ARHGAP35: variants seen among roughly 807,000 people sequenced by gnomAD.
The protein encoded by ARHGAP35 is Rho GTPase activating protein 35, also known as rho GTPase-activating protein 35.
In ARHGAP35, 15 loss-of-function variants were observed where a neutral mutation model predicts 111.1. The ratio of observed to expected loss-of-function variants is 0.13; its 90% CI spans 0.09 to 0.21. The LOEUF (loss-of-function observed/expected upper bound fraction) is 0.21. ARHGAP35 is among the 10% of genes least tolerant of loss of function. The probability of loss-of-function intolerance (pLI) is 1.00; values close to 1 mark genes in which losing one functional copy is unlikely to be tolerated. For missense variants in ARHGAP35, 1,262 were observed against 1,873.0 expected (o/e 0.67, Z 6.02); for synonymous variants, 643 against 710.3 (o/e 0.91, Z 1.51).
chr19:46,922,459 A>AG lies in ARHGAP35; in HGVS notation c.3681+103_3681+104insG. On this transcript the variant is annotated intron_variant, in intron 2 of 6. Transcript: ENST00000672722. The surrounding 1 kb of genome is among the most constrained non-coding windows in gnomAD (Gnocchi z 4.0). ...GGACAACCTATTCTGGTAAAAAAAAAACTGCCCTGTGTGTGTATTTGACTT... is the reference window on the plus strand; with the variant it reads ...GGACAACCTATTCTGGTAAAAAAAAAGACTGCCCTGTGTGTGTATTTGACTT... The AG allele has an allele frequency of 8.5e-7, 1 of 1,182,284 alleles. No homozygotes were observed. The highest frequency in any genetic ancestry group is 2.6e-5 in the East Asian group (1 of 38,580). The allele number at this position is 1,182,284 out of a possible 1,614,324, so 73.2% of individuals were successfully genotyped here.
rs1240689317 is a variant in ARHGAP35 at position 46,926,267 on chromosome 19, G to A, written c.3681+3911G>A. Among the ~76,000 whole-genome samples the A allele has an allele frequency of 6.6e-6, 1 of 152,154 alleles. No homozygotes were observed. Among genetic ancestry groups the A allele is most frequent in the Admixed American group, 6.6e-5 (1 of 15,262 alleles). ...ACTGTAAAGCTGACTCTCATTCTGG[G>A]TGCTTTTCCCAGCTGAACCATTTAG... is the stretch of plus-strand genomic sequence containing the variant. On this transcript the variant is annotated intron_variant, in intron 2 of 6. Coordinates refer to ENST00000672722, the MANE Select transcript of ARHGAP35 (RefSeq NM_004491.5). This position sits in a 1 kb window ranked among gnomAD's most constrained non-coding sequence, Gnocchi z 4.1.
chr19:46,936,211 C>T (rs962832478), intron 2 of ARHGAP35, among the ~76,000 whole-genome samples: 12 of 152,036 alleles, frequency 7.9e-5, no homozygotes, highest in African/African-American at 2.9e-4. Flanking sequence ...CACTGTACTC[C>T]AGCCTGAGCA....
intron 1 of ARHGAP35, among the ~76,000 whole-genome samples, chr19:46,907,019 G>A (rs952476202): frequency 6.6e-6 from 1 of 152,166 alleles, no homozygotes; most frequent in Non-Finnish European, 1.5e-5. Flanking sequence ...ATCCTGGGGA[G>A]GTTGAGGCTG....
chr19:46,895,302 T>TAC (rs2056047969), intron 1 of ARHGAP35, among the ~76,000 whole-genome samples: 2 of 152,108 alleles, frequency 1.3e-5, no homozygotes, highest in Non-Finnish European at 2.9e-5. Flanking sequence ...TAGCTGGGAC[T>TAC]ACAGGCGCTC....
intron 2 of ARHGAP35, among the ~76,000 whole-genome samples, chr19:46,934,847 A>G (rs868129148): frequency 2.6e-4 from 38 of 145,310 alleles, no homozygotes; most frequent in African/African-American, 9.3e-4. Flanking sequence ...TTGTTTTTGT[A>G]TTTTTTGTAG....
chr19:46,895,411 C>T (rs1025720381), intron 1 of ARHGAP35, among the ~76,000 whole-genome samples: 2 of 152,156 alleles, frequency 1.3e-5, no homozygotes, highest in African/African-American at 2.4e-5. Context: ...GTGATCCACC[C>T]GCCTCGGCCT....
intron 5 of ARHGAP35, among the ~76,000 whole-genome samples, chr19:46,996,015 C>T (rs1220727060): frequency 1.3e-5 from 2 of 152,190 alleles, no homozygotes; most frequent in African/African-American, 4.8e-5. Context: ...GGGGAGCAGG[C>T]GAGGAGACTG....
At chr19:46,980,899 C>G (rs1312669733) in intron 3 of ARHGAP35, among the ~76,000 whole-genome samples, 1 of 152,194 alleles carries the variant, frequency 6.6e-6, no homozygotes, top group Non-Finnish European at 1.5e-5. Context: ...TACATACCAC[C>G]AGGGGATGAG....
Position 46,876,193 on chromosome 19 carries a change from AT to A in ARHGAP35, c.-189+14996del, listed in dbSNP as rs201937445. ...TGCTGCACTACCTGGACCTGGCTTT[AT>A]TTTTTTTTTTTAATTTAATTTTTTT... On this transcript the variant is annotated intron_variant, in intron 1 of 6. Transcript: ENST00000672722. Among the ~76,000 whole-genome samples the A allele has an allele frequency of 4.0e-3, 569 of 142,910 alleles. 5 individuals are homozygous for A. The highest frequency in any genetic ancestry group is 0.011 in the African/African-American group (427 of 38,940). The allele number at this position is 142,910 out of a possible 152,430, so 93.8% of individuals were successfully genotyped here.
chr19:46,920,103 T>G lies in ARHGAP35; in HGVS notation c.1428T>G (p.Ile476Met). ...QWLEESVYMD[I>M]YGKHQKQIID... The stretch of plus-strand genomic sequence containing the variant: ...TGGAGGAATCTGTATACATGGATAT[T>G]TATGGCAAACACCAAAAGCAAATTA... Residue 476 changes from isoleucine to methionine, a missense_variant, in exon 2 of 7, where the codon ATT becomes ATG. Coordinates refer to ENST00000672722, the MANE Select transcript of ARHGAP35 (RefSeq NM_004491.5). This position sits in a 1 kb window ranked among gnomAD's most constrained non-coding sequence, Gnocchi z 7.0. 10 of 1,613,888 alleles carry G rather than the reference T, an allele frequency of 6.2e-6. No individual in the cohort carries two copies. Among genetic ancestry groups the G allele is most frequent in the Non-Finnish European group, 8.5e-6 (10 of 1,179,878 alleles).
intron 1 of ARHGAP35, among the ~76,000 whole-genome samples, chr19:46,892,456 G>A (rs1260389541): frequency 2.2e-5 from 3 of 137,098 alleles, no homozygotes; most frequent in Non-Finnish European, 4.6e-5. Flanking sequence ...GGGTAACAGT[G>A]AAACCCTGTC....
At chr19:46,900,938 C>G (rs533304270) in intron 1 of ARHGAP35, among the ~76,000 whole-genome samples, 1 of 152,312 alleles carries the variant, frequency 6.6e-6, no homozygotes, top group African/African-American at 2.4e-5. Context: ...TCTGTGCATA[C>G]TCCTCTACCA....
At chr19:46,961,306 A>G (rs1362666068) in intron 3 of ARHGAP35, among the ~76,000 whole-genome samples, 4 of 152,214 alleles carry the variant, frequency 2.6e-5, no homozygotes, top group Non-Finnish European at 4.4e-5. Flanking sequence ...ACACATGTAT[A>G]CACACACATA....
chr19:46,922,446 C>A lies in ARHGAP35; in HGVS notation c.3681+90C>A. The A allele has an allele frequency of 7.7e-7, 1 of 1,292,938 alleles. No homozygotes were observed. Among genetic ancestry groups the A allele is most frequent in the South Asian group, 1.7e-5 (1 of 59,676 alleles). 80.1% of individuals were successfully genotyped at this position (1,292,938 alleles called of 1,614,324 possible). A position where few individuals can be genotyped will look rare whatever the true frequency, so the allele number is the denominator to read the frequency against. On this transcript the variant is annotated intron_variant, in intron 2 of 6. Transcript: ENST00000672722. This position sits in a 1 kb window ranked among gnomAD's most constrained non-coding sequence, Gnocchi z 4.0. ...GATGATTTTTCAAGGACAACCTATT[C>A]TGGTAAAAAAAAAACTGCCCTGTGT...
chr19:46,983,603 A>ATTT (rs2056632615), intron 3 of ARHGAP35, among the ~76,000 whole-genome samples: 1 of 111,278 alleles, frequency 9.0e-6, no homozygotes, highest in African/African-American at 3.5e-5. Flanking sequence ...TGTAATGTCC[A>ATTT]TTCTTTTTTT....
At chr19:46,985,072 G>A (rs904442609) in intron 3 of ARHGAP35, among the ~76,000 whole-genome samples, 3 of 152,180 alleles carry the variant, frequency 2.0e-5, no homozygotes, top group African/African-American at 4.8e-5. Flanking sequence ...ATGTAGGGCT[G>A]ATATTCAGGG....
intron 1 of ARHGAP35, among the ~76,000 whole-genome samples, chr19:46,867,754 GTTT>G (rs907151912): frequency 3.3e-5 from 5 of 151,638 alleles, no homozygotes; most frequent in Non-Finnish European, 2.9e-5. Context: ...AGGTGCTAAA[GTTT>G]TTTGTTGTTG....
chr19:46,921,147 A>G lies in ARHGAP35; in HGVS notation c.2472A>G (p.Leu824=). The G allele has an allele frequency of 6.2e-7, 1 of 1,614,034 alleles. No homozygotes were observed. The highest frequency in any genetic ancestry group is 1.1e-5 in the South Asian group (1 of 91,084). ...GCAACAACTCTGTTTTACTTGAACT[A>G]CCAATCGGACTGCACAAGAAGCGGA... ...CGSNNSVLLE[L]PIGLHKKRIE... The change falls in exon 2 of 7, where the codon CTA becomes CTG. Residue 824 remains leucine (L), a synonymous_variant. Transcript: ENST00000672722. This position sits in a 1 kb window ranked among gnomAD's most constrained non-coding sequence, Gnocchi z 4.3.
rs747421252 is a variant in ARHGAP35, at chr19:46,974,686, AT to A, written c.3827-13301del. 7.9e-5 allele frequency among the ~76,000 whole-genome samples: 12 copies of A among 152,142 alleles called. No homozygotes were observed. The South Asian group carries it at 1.5e-3, about 18-fold the overall frequency. ...TGATGTCCGCTTGATTGATTAACTCATTGGCCATTGGTGATTGAGCTCAATC... is the reference window on the plus strand; with the variant it reads ...TGATGTCCGCTTGATTGATTAACTCATGGCCATTGGTGATTGAGCTCAATC... On this transcript the variant is annotated intron_variant, in intron 3 of 6. Coordinates refer to ENST00000672722, the MANE Select transcript of ARHGAP35 (RefSeq NM_004491.5).
Sources: gnomAD v4.1 joint callset for allele counts (sites outside exome capture counted in the v4.1 genomes callset) on GRCh38, gnomAD v4.1.1 for gene constraint, Gnocchi (gnomAD v3.1) non-coding constraint, MANE v1.5 for transcripts, NCBI Gene and HGNC (gene_info 2026-07-23, HGNC 2026-07-21) for gene names.